The following F13A1 variants were observed in gnomAD, a reference collection of about 807,000 sequenced individuals.
F13A1 encodes coagulation factor XIII A chain.
Under a neutral mutation model 80.1 loss-of-function variants are expected in F13A1, and 47 were observed. That is an observed-to-expected ratio of 0.59 (90% CI 0.46 to 0.75). The LOEUF is 0.75. Among genes scored for constraint, F13A1 ranks in the 30% least tolerant of loss-of-function variants. F13A1 has a pLI of 0.00. For synonymous variants in F13A1, 349 were observed against 344.9 expected, an observed-to-expected ratio of 1.01 and a Z score of -0.13; for missense variants, 817 against 930.4, an observed-to-expected ratio of 0.88 and a Z score of 1.59.
chr6:6,159,269 GCAGCCACCA>G (rs1760532603), intron 13 of F13A1, among the ~76,000 whole-genome samples: 1 of 152,084 alleles, frequency 6.6e-6, no homozygotes, highest in Non-Finnish European at 1.5e-5. Flanking sequence ...AGTGAGATCA[GCAGCCACCA>G]CAGCCACCCA....
chr6:6,155,973 G>A (rs1164976189), intron 13 of F13A1, among the ~76,000 whole-genome samples: 1 of 152,102 alleles, frequency 6.6e-6, no homozygotes, highest in Non-Finnish European at 1.5e-5. Flanking sequence ...AATAAAGGGA[G>A]CCTTCAGGCA....
chr6:6,272,434 C>T (rs1757933977), intron 3 of F13A1, among the ~76,000 whole-genome samples: 1 of 152,142 alleles, frequency 6.6e-6, no homozygotes, highest in Admixed American at 6.5e-5. Flanking sequence ...GTAGACACAT[C>T]TATCAATCAC....
chr6:6,276,728 T>C (rs1019819925), intron 3 of F13A1, among the ~76,000 whole-genome samples: 1 of 152,176 alleles, frequency 6.6e-6, no homozygotes, highest in African/African-American at 2.4e-5. Flanking sequence ...ATCTGTAAAA[T>C]TGGCATTCCA....
In F13A1 at chr6:6,238,715, C is replaced by CATATATATAT. The variant is rs4053228; in HGVS notation, c.798+9587_798+9596dup. Among the ~76,000 whole-genome samples, 449 of 146,038 alleles carry CATATATATAT rather than the reference C, an allele frequency of 3.1e-3. 2 individuals are homozygous for CATATATATAT. The highest frequency in any genetic ancestry group is 8.9e-3 in the African/African-American group (349 of 39,246). On this transcript the variant is annotated intron_variant, in intron 6 of 14. Coordinates refer to ENST00000264870, the MANE Select transcript of F13A1 (RefSeq NM_000129.4). Reference sequence around the variant, plus strand: ...AATCAGTAGACTTGAAAACATGCTGCATATATATATATATATATAGCCAAT... The same window carrying CATATATATAT: ...AATCAGTAGACTTGAAAACATGCTGCATATATATATATATATATATATATATATAGCCAAT...
intron 6 of F13A1, among the ~76,000 whole-genome samples, chr6:6,226,106 C>A (rs1032157530): frequency 6.6e-6 from 1 of 152,154 alleles, no homozygotes; most frequent in African/African-American, 2.4e-5. Flanking sequence ...AGGCATCTTG[C>A]CAGTTTTTTT....
intron 1 of F13A1, among the ~76,000 whole-genome samples, chr6:6,319,939 C>T (rs182861298): frequency 3.3e-5 from 5 of 152,320 alleles, no homozygotes; most frequent in Admixed American, 2.0e-4. Flanking sequence ...CTGCGAGAGC[C>T]ATCCTCTAGT....
intron 2 of F13A1, among the ~76,000 whole-genome samples, chr6:6,308,948 G>A (rs1485151952): frequency 6.6e-6 from 1 of 151,970 alleles, no homozygotes; most frequent in African/African-American, 2.4e-5. Flanking sequence ...GCCCCTACAA[G>A]TCACCCACTC....
chr6:6,152,094 C>T (rs1026366416), intron 13 of F13A1, 145 bp from the exon 14 acceptor site: 8 of 915,156 alleles, frequency 8.7e-6, no homozygotes, highest in African/African-American at 6.6e-5. Context: ...TAGCTGATTG[C>T]TTTGACTGGA....
chr6:6,281,768 C>T (rs548836057), intron 3 of F13A1, among the ~76,000 whole-genome samples: 4 of 151,902 alleles, frequency 2.6e-5, no homozygotes, highest in African/African-American at 9.7e-5. Flanking sequence ...CCAAGGCAGG[C>T]AGATCACGAG....
intron 8 of F13A1, among the ~76,000 whole-genome samples, chr6:6,213,383 T>C (rs1359372931): frequency 6.6e-6 from 1 of 152,054 alleles, no homozygotes; most frequent in East Asian, 1.9e-4. Flanking sequence ...TTCAACATTC[T>C]TAAAGAAAGA....
intron 3 of F13A1, among the ~76,000 whole-genome samples, chr6:6,272,560 G>A (rs1040392969): frequency 6.6e-6 from 1 of 152,156 alleles, no homozygotes; most frequent in Non-Finnish European, 1.5e-5. Context: ...CCCCTCATAT[G>A]CTATACTTAG....
intron 3 of F13A1, among the ~76,000 whole-genome samples, chr6:6,275,732 T>C (rs981442696): frequency 1.3e-5 from 2 of 152,180 alleles, no homozygotes; most frequent in Non-Finnish European, 2.9e-5. Flanking sequence ...AACCCAAAGA[T>C]TCCAGACTAA....
chr6:6,203,081 CCTAA>C (rs1280532673), intron 8 of F13A1, among the ~76,000 whole-genome samples: 1 of 152,184 alleles, frequency 6.6e-6, no homozygotes. Flanking sequence ...ATGGAAGCAG[CCTAA>C]CTGTCCAACA....
At position 6,235,720 on chromosome 6, in the gene F13A1, T is replaced by C. The variant is rs541078794; in HGVS notation, c.799-10860A>G. On this transcript the variant is annotated intron_variant, in intron 6 of 14. Coordinates refer to ENST00000264870, the MANE Select transcript of F13A1 (RefSeq NM_000129.4). ...AATGCCCATCCAATTTAGGAAACAG[T>C]TTGGTAGTTTCTTAAAAATTAAACC... Among the ~76,000 whole-genome samples, 3 of 152,090 alleles carry C rather than the reference T, an allele frequency of 2.0e-5. No individual in the cohort carries two copies. The South Asian group carries it at 6.2e-4, about 32-fold the overall frequency.
chr6:6,203,509 C>G (rs1353591684), intron 8 of F13A1, among the ~76,000 whole-genome samples: 1 of 152,188 alleles, frequency 6.6e-6, no homozygotes, highest in South Asian at 2.1e-4. Context: ...CTCCTGCTGG[C>G]TTCAAAGAAG....
At chr6:6,281,715 C>T (rs188600001) in intron 3 of F13A1, among the ~76,000 whole-genome samples, 21 of 151,722 alleles carry the variant, frequency 1.4e-4, no homozygotes, top group African/African-American at 4.8e-4. Flanking sequence ...GGAGGACGGC[C>T]GGGCTTGGTG....
At chr6:6,241,211 C>T (rs1757479931) in intron 6 of F13A1, among the ~76,000 whole-genome samples, 1 of 152,118 alleles carries the variant, frequency 6.6e-6, no homozygotes, top group Admixed American at 6.5e-5. Context: ...GACTCAAGTC[C>T]ATGATGGAAC....
intron 8 of F13A1, among the ~76,000 whole-genome samples, chr6:6,204,772 C>CT (rs1236280308): frequency 6.6e-6 from 1 of 152,238 alleles, no homozygotes; most frequent in Non-Finnish European, 1.5e-5. Flanking sequence ...AAGAGGCATG[C>CT]TGCAGGAATC....
At chr6:6,246,780 G>A (rs1317115478) in intron 6 of F13A1, among the ~76,000 whole-genome samples, 2 of 152,176 alleles carry the variant, frequency 1.3e-5, no homozygotes, top group Non-Finnish European at 2.9e-5. Context: ...TTCTGGGTGC[G>A]TAAAAGTACA....
Sources: allele counts gnomAD v4.1 joint callset (sites outside exome capture counted in the v4.1 genomes callset), GRCh38; gene constraint gnomAD v4.1.1; transcripts MANE v1.5; gene names NCBI Gene and HGNC (gene_info 2026-07-23, HGNC 2026-07-21).